TBC1D4: variants seen among roughly 807,000 people sequenced by gnomAD.
TBC1D4 encodes the protein TBC (Tre-2, BUB2, CDC16) domain-containing protein.
A neutral mutation model predicts 142.5 loss-of-function variants in TBC1D4; 121 were observed. The ratio of observed to expected loss-of-function variants is 0.85; its 90% confidence interval spans 0.73 to 0.99. TBC1D4 has a LOEUF of 0.99. Among genes scored for constraint, TBC1D4 ranks in the 50% least tolerant of loss-of-function variants. The pLI, the probability that TBC1D4 is intolerant of heterozygous loss-of-function variation, is 0.00. For synonymous variants in TBC1D4, 630 were observed against 628.2 expected (o/e 1.00, Z -0.04); for missense variants, 1,475 against 1,606.6 (o/e 0.92, Z 1.40).
Position 75,326,338 on chromosome 13 carries a change from G to A in TBC1D4, c.1892C>T (p.Ser631Phe), listed in dbSNP as rs149166053. The change falls in exon 10 of 21, where the codon TCC becomes TTC. Residue 631 changes from serine (S) to phenylalanine (F), a missense_variant. By Grantham distance (155) the Ser-to-Phe change is radical. Coordinates refer to ENST00000377636, the MANE Select transcript of TBC1D4 (RefSeq NM_014832.5). ...CCGTCTTCGAAACTGCGGGGAGTCG[G>A]AATCCTCTTCGGGAAACGTTTGCCA... ...SAWQTFPEED[S>F]DSPQFRRRAH... The A allele has an allele frequency of 4.3e-6, 7 of 1,614,090 alleles. No homozygotes were observed. The East Asian group carries it at 1.6e-4, about 36-fold the overall frequency.
intron 1 of TBC1D4, among the ~76,000 whole-genome samples, chr13:75,435,788 G>A (rs966079977): frequency 6.6e-6 from 1 of 152,150 alleles, no homozygotes; most frequent in Non-Finnish European, 1.5e-5. Context: ...TGCCAAAAGT[G>A]CTCAAAGAAT....
chr13:75,481,355 T>G lies in TBC1D4; in HGVS notation c.413A>C (p.Tyr138Ser), dbSNP rs201977359. The G allele has an allele frequency of 8.2e-5, 132 of 1,613,818 alleles. No homozygotes were observed. In the African/African-American group the frequency reaches 1.4e-3, roughly 17 times the overall value. Residue 138 changes from tyrosine (Y) to serine (S), a missense_variant, in exon 1 of 21, where the codon TAC becomes TCC. Physicochemically the swap from Tyr to Ser is moderately radical, Grantham distance 144. Transcript: ENST00000377636. The stretch of plus-strand genomic sequence containing the variant: ...CTGCGCCTTGATCAGGTAGGCAAAG[T>G]AGGTGAGGTCGTGGCTGTTGTGGAT... ...RFIHNSHDLT[Y>S]FAYLIKAQPD... is the part of the protein sequence containing the mutation.
At chr13:75,315,887 T>C (rs1878276683) in intron 12 of TBC1D4, among the ~76,000 whole-genome samples, 1 of 152,186 alleles carries the variant, frequency 6.6e-6, no homozygotes, top group African/African-American at 2.4e-5. Context: ...ACCATGACAA[T>C]GTTGTTAATA....
At chr13:75,463,311 G>A (rs1429672124) in intron 1 of TBC1D4, among the ~76,000 whole-genome samples, 3 of 152,104 alleles carry the variant, frequency 2.0e-5, no homozygotes, top group Non-Finnish European at 4.4e-5. Context: ...GAGCTTAAGT[G>A]GAATTGATTC....
chr13:75,338,488 A>C (rs1880410510), intron 7 of TBC1D4, among the ~76,000 whole-genome samples: 1 of 152,204 alleles, frequency 6.6e-6, no homozygotes, highest in Non-Finnish European at 1.5e-5. Flanking sequence ...AATGAAGGAA[A>C]GGAGAGCGTG....
At chr13:75,425,054 G>T (rs951718643) in intron 1 of TBC1D4, among the ~76,000 whole-genome samples, 18 of 151,660 alleles carry the variant, frequency 1.2e-4, no homozygotes, top group Non-Finnish European at 8.8e-5. Flanking sequence ...CGAGTGAAGA[G>T]ACAAACTATG....
chr13:75,475,265 T>C (rs1359261224), intron 1 of TBC1D4, among the ~76,000 whole-genome samples: 2 of 152,234 alleles, frequency 1.3e-5, no homozygotes, highest in African/African-American at 2.4e-5. Flanking sequence ...AGACCATATG[T>C]CAAGAAAAAT....
intron 12 of TBC1D4, among the ~76,000 whole-genome samples, chr13:75,314,595 T>A (rs143111225): frequency 1.1e-4 from 16 of 152,280 alleles, no homozygotes; most frequent in African/African-American, 3.9e-4. Context: ...GATACATATA[T>A]CTCAATATAG....
intron 1 of TBC1D4, among the ~76,000 whole-genome samples, chr13:75,439,322 A>C (rs1422293238): frequency 6.6e-6 from 1 of 152,130 alleles, no homozygotes; most frequent in Non-Finnish European, 1.5e-5. Context: ...TAAAATTCAT[A>C]ATTTTTTACT....
In TBC1D4 at chr13:75,482,034, TG is replaced by T; in HGVS notation, c.-268del. ...TAAATGGGCATCCTCCTCCTTGGGC[TG>T]GCGCCTCGGGCAGGACCTCCCCTTC... On this transcript the variant is annotated 5_prime_UTR_variant, in exon 1 of 21. Transcript: ENST00000377636. The T allele has an allele frequency of 2.7e-6, 1 of 366,978 alleles. No individual in the cohort carries two copies. The highest frequency in any genetic ancestry group is 4.8e-6 in the Non-Finnish European group (1 of 209,800). The allele number at this position is 366,978 out of a possible 1,614,324, so 22.7% of individuals were successfully genotyped here.
At chr13:75,303,368 T>C (rs1876791677) in intron 15 of TBC1D4, among the ~76,000 whole-genome samples, 1 of 152,096 alleles carries the variant, frequency 6.6e-6, no homozygotes. Flanking sequence ...GTAACTGATA[T>C]GCTCCAGAAC....
chr13:75,426,343 T>C (rs975754246), intron 1 of TBC1D4, among the ~76,000 whole-genome samples: 2 of 152,184 alleles, frequency 1.3e-5, no homozygotes, highest in Non-Finnish European at 2.9e-5. Context: ...AATGTTTAAG[T>C]CACAGATCAA....
chr13:75,382,269 G>A (rs1883897417), intron 1 of TBC1D4, among the ~76,000 whole-genome samples: 1 of 152,158 alleles, frequency 6.6e-6, no homozygotes, highest in Non-Finnish European at 1.5e-5. Context: ...AGTGTCCAAT[G>A]TCTATTTACA....
Position 75,326,420 on chromosome 13 carries a change from A to C in TBC1D4, c.1810T>G (p.Tyr604Asp), listed in dbSNP as rs587780478. 1.9e-6 allele frequency: 3 copies of C among 1,614,204 alleles called. No individual in the cohort carries two copies. Among genetic ancestry groups the C allele is most frequent in the Non-Finnish European group, 2.5e-6 (3 of 1,180,032 alleles). Reference protein sequence around the residue: ...RSNSLASEKDYSPGDSPPGTP... With the variant: ...RSNSLASEKDDSPGDSPPGTP... ...CCTGGTGGAGAATCCCCTGGTGAGTAGTCCTGAAACACAAGCGGAAGGGAG... is the reference window on the plus strand; with the variant it reads ...CCTGGTGGAGAATCCCCTGGTGAGTCGTCCTGAAACACAAGCGGAAGGGAG... The change falls in exon 10 of 21, where the codon TAC becomes GAC. Residue 604 changes from tyrosine to aspartate, a missense_variant. By Grantham distance (160) the Tyr-to-Asp change is radical (BLOSUM62 -3). Coordinates refer to ENST00000377636, the MANE Select transcript of TBC1D4 (RefSeq NM_014832.5).
At chr13:75,427,166 C>T (rs1301404538) in intron 1 of TBC1D4, among the ~76,000 whole-genome samples, 1 of 151,848 alleles carries the variant, frequency 6.6e-6, no homozygotes, top group Admixed American at 6.5e-5. Context: ...TCGCTCACTG[C>T]AAGCTCCGCC....
intron 1 of TBC1D4, among the ~76,000 whole-genome samples, chr13:75,399,306 C>T (rs1050579891): frequency 9.9e-5 from 15 of 152,148 alleles, no homozygotes; most frequent in African/African-American, 2.4e-4. Context: ...AAATCATTCC[C>T]AATGAGAGCT....
rs199560195 is a variant in TBC1D4, at chr13:75,299,364, C to A, written c.3122G>T (p.Arg1041Leu). The change falls in exon 17 of 21, where the codon CGC (arginine) becomes CTC (leucine). Residue 1041 changes from arginine to leucine, a missense_variant. By Grantham distance (102) the Arg-to-Leu change is moderately radical. Transcript: ENST00000377636. ...LKFLMYDLGF[R>L]KQYRPDMMSL... ...CATCATGTCAGGTCTGTACTGCTTG[C>A]GGAAGCCGAGGTCATACATGAGGAA... 1.2e-6 allele frequency: 2 copies of A among 1,614,112 alleles called. No homozygotes were observed. The highest frequency in any genetic ancestry group is 2.2e-5 in the East Asian group (1 of 44,870).
At chr13:75,382,673 A>G (rs1283071339) in intron 1 of TBC1D4, among the ~76,000 whole-genome samples, 1 of 152,226 alleles carries the variant, frequency 6.6e-6, no homozygotes. Flanking sequence ...TAAATTTTAT[A>G]AACTCTATAT....
chr13:75,436,036 C>T lies in TBC1D4; in HGVS notation c.498+45234G>A, dbSNP rs148348267. On this transcript the variant is annotated intron_variant, in intron 1 of 20. Coordinates refer to ENST00000377636, the MANE Select transcript of TBC1D4 (RefSeq NM_014832.5). The stretch of plus-strand genomic sequence containing the variant: ...TGAATTGTAGCTCCCATAATCCCCA[C>T]GTGTCATGGGAGGTAATTGAATCAT... Among the ~76,000 whole-genome samples, 625 of 152,276 alleles carry T rather than the reference C, an allele frequency of 4.1e-3. 2 individuals carry two copies. Among genetic ancestry groups the T allele is most frequent in the African/African-American group, 0.014 (563 of 41,562 alleles).
Sources: gnomAD v4.1 joint callset for allele counts (sites outside exome capture counted in the v4.1 genomes callset) on GRCh38, gnomAD v4.1.1 for gene constraint, MANE v1.5 for transcripts, NCBI Gene and HGNC (gene_info 2026-07-23, HGNC 2026-07-21) for gene names.